MYLIP: variants seen among roughly 807,000 people sequenced by gnomAD.
The protein encoded by MYLIP is myosin regulatory light chain interacting protein.
A neutral mutation model predicts 45.8 loss-of-function variants in MYLIP; 26 were observed. The observed-to-expected ratio is 0.57, with a 90% CI of 0.42 to 0.79. MYLIP has a LOEUF of 0.79. MYLIP is among the 30% of genes least tolerant of loss of function. The probability of loss-of-function intolerance (pLI) is 0.00; values close to 1 mark genes in which losing one functional copy is unlikely to be tolerated. For synonymous variants in MYLIP, 213 were observed against 218.1 expected (o/e 0.98, Z 0.21); for missense variants, 494 against 555.6 (o/e 0.89, Z 1.11).
At chr6:16,130,149 T>A (rs534219756) in intron 1 of MYLIP, among the ~76,000 whole-genome samples, 1 of 152,200 alleles carries the variant, frequency 6.6e-6, no homozygotes, top group African/African-American at 2.4e-5. Flanking sequence ...GTTCCCTCAA[T>A]GTGTTTGATT....
downstream of MYLIP, among the ~76,000 whole-genome samples, chr6:16,148,602 C>T (rs565119605): frequency 8.4e-4 from 128 of 152,128 alleles, 2 homozygotes; most frequent in African/African-American, 2.8e-3. Flanking sequence ...AAGAAAAAAT[C>T]AGGACAAGTA....
intron 2 of MYLIP, among the ~76,000 whole-genome samples, chr6:16,137,886 TAA>T (rs11354447): frequency 1.4e-3 from 204 of 150,828 alleles, no homozygotes; most frequent in African/African-American, 4.4e-3. Context: ...TTCACTCCAT[TAA>T]AAAAAAAATC....
At chr6:16,133,768 C>T (rs1029300408) in intron 2 of MYLIP, among the ~76,000 whole-genome samples, 1 of 152,272 alleles carries the variant, frequency 6.6e-6, no homozygotes, top group East Asian at 1.9e-4. Context: ...CCGACTTAGC[C>T]ACGTTTTAGC....
At chr6:16,154,685 T>C in the MYLIP span, among the ~76,000 whole-genome samples, 1 of 152,198 alleles carries the variant, frequency 6.6e-6, no homozygotes, top group Non-Finnish European at 1.5e-5. Flanking sequence ...TGTTTTGCTT[T>C]GCTTTTAAGG....
At chr6:16,160,027 C>T in the MYLIP span, among the ~76,000 whole-genome samples, 1 of 152,208 alleles carries the variant, frequency 6.6e-6, no homozygotes, top group South Asian at 2.1e-4. Flanking sequence ...TAGGCATTGC[C>T]TGCTCACCCT....
chr6:16,158,253 C>T, the MYLIP span, among the ~76,000 whole-genome samples: 2 of 152,242 alleles, frequency 1.3e-5, no homozygotes, highest in Non-Finnish European at 2.9e-5. Context: ...GTGCAATTCA[C>T]CTCTACTGCT....
In MYLIP at chr6:16,141,723, C is replaced by T. The variant is rs779459259; in HGVS notation, c.377C>T (p.Thr126Ile). 6.2e-7 allele frequency: 1 copy of T among 1,614,166 alleles called. No homozygotes were observed. The highest frequency in any genetic ancestry group is 1.1e-5 in the South Asian group (1 of 91,086). The change falls in exon 3 of 7, where the codon ACC becomes ATC. Residue 126 changes from threonine (T) to isoleucine (I), a missense_variant. Physicochemically the swap from Thr to Ile is moderately conservative, Grantham distance 89. Coordinates refer to ENST00000356840, the MANE Select transcript of MYLIP (RefSeq NM_013262.4). Reference sequence around the variant, plus strand: ...GAACTCAGTGCCCTCCTGGCCCAGACCAAGTTTGGAGACTACAACCAGAAC... The same window carrying T: ...GAACTCAGTGCCCTCCTGGCCCAGATCAAGTTTGGAGACTACAACCAGAAC... ...AVELSALLAQ[T>I]KFGDYNQNTA...
At position 16,147,576 on chromosome 6, in the gene MYLIP, T is replaced by C. The variant is rs1759819897; in HGVS notation, c.*825T>C. The C allele has an allele frequency of 6.6e-6, 1 of 152,246 alleles. No individual in the cohort carries two copies. Among genetic ancestry groups the C allele is most frequent in the Non-Finnish European group, 1.5e-5 (1 of 68,052 alleles). The allele number at this position is 152,246 out of a possible 1,614,324, so 9.4% of individuals were successfully genotyped here. A position where few individuals can be genotyped will look rare whatever the true frequency, so the allele number is the denominator to read the frequency against. On this transcript the variant is annotated 3_prime_UTR_variant, in exon 7 of 7. Transcript: ENST00000356840. ...CTCCTTGGGAAGGGAAAGCGGAGCT[T>C]GCTGAGTGAGAGATGGAGCCTCATG...
rs35112615 is a variant in MYLIP at position 16,146,867 on chromosome 6, T to TA, written c.*130dup. 120,193 of 612,466 alleles carry TA rather than the reference T, an allele frequency of 0.2. 6,059 individuals are homozygous for TA. The highest frequency in any genetic ancestry group is 0.34 in the African/African-American group (17,450 of 51,132). 37.9% of individuals were successfully genotyped at this position (612,466 alleles called of 1,614,324 possible). Reference sequence around the variant, plus strand: ...CCAACACCCATCTGCCATGCGATGTTAAAAAAAAAAAAAAGGAAGAAAAAT... The same window carrying TA: ...CCAACACCCATCTGCCATGCGATGTTAAAAAAAAAAAAAAAGGAAGAAAAAT... On this transcript the variant is annotated 3_prime_UTR_variant, in exon 7 of 7. Coordinates refer to ENST00000356840, the MANE Select transcript of MYLIP (RefSeq NM_013262.4).
chr6:16,139,117 A>G (rs1226942347), intron 2 of MYLIP, among the ~76,000 whole-genome samples: 1 of 152,222 alleles, frequency 6.6e-6, no homozygotes, highest in African/African-American at 2.4e-5. Context: ...TTTACACCTG[A>G]AAAATAAGTT....
At chr6:16,150,043 A>T (rs908713415), downstream of MYLIP, among the ~76,000 whole-genome samples, 1 of 152,220 alleles carries the variant, frequency 6.6e-6, no homozygotes, top group Non-Finnish European at 1.5e-5. Flanking sequence ...TGGCCATTAC[A>T]TTTCACTGAT....
At position 16,147,373 on chromosome 6, in the gene MYLIP, G is replaced by C. The variant is rs1759815092; in HGVS notation, c.*622G>C. On this transcript the variant is annotated 3_prime_UTR_variant, in exon 7 of 7. Coordinates refer to ENST00000356840, the MANE Select transcript of MYLIP (RefSeq NM_013262.4). ...AAACCAGTGTGGCTAGTAAAAAGCA[G>C]CTCACTCAATGTGGGTGGCTCCCTA... 1.3e-5 allele frequency: 2 copies of C among 152,928 alleles called. No homozygotes were observed. The highest frequency in any genetic ancestry group is 4.8e-5 in the African/African-American group (2 of 41,448). 9.5% of individuals were successfully genotyped at this position (152,928 alleles called of 1,614,324 possible). A position where few individuals can be genotyped will look rare whatever the true frequency, so the allele number is the denominator to read the frequency against.
chr6:16,154,872 G>A, the MYLIP span, among the ~76,000 whole-genome samples: 4 of 152,092 alleles, frequency 2.6e-5, no homozygotes, highest in Non-Finnish European at 5.9e-5. Context: ...TAATTACCAC[G>A]CATTTTTATG....
the MYLIP span, among the ~76,000 whole-genome samples, chr6:16,159,585 T>C: frequency 6.6e-6 from 1 of 152,170 alleles, no homozygotes; most frequent in Non-Finnish European, 1.5e-5. Flanking sequence ...ACAGTGACAG[T>C]ATCTGTTCAT....
chr6:16,152,420 G>C (rs1759889516), downstream of MYLIP, among the ~76,000 whole-genome samples: 1 of 152,176 alleles, frequency 6.6e-6, no homozygotes, highest in African/African-American at 2.4e-5. Flanking sequence ...GCAATGTCTG[G>C]AGATGTTCTT....
At chr6:16,141,552 G>A (rs753535604) in intron 2 of MYLIP, 73 bp from the exon 3 acceptor site, 1 of 1,376,442 alleles carries the variant, frequency 7.3e-7, no homozygotes, top group South Asian at 1.5e-5. Context: ...AAGTGACTGT[G>A]AAATTGCTAA....
Position 16,145,026 on chromosome 6 carries a change from A to C in MYLIP, c.957A>C (p.Ser319=). 6.2e-7 allele frequency: 1 copy of C among 1,614,244 alleles called. No individual in the cohort carries two copies. ...ATGTCTTTGATATTAAAAGAACATC[A>C]AAGGAGGTGTATGACCATGCCAGGA... ...KKYVFDIKRT[S]KEVYDHARRA... Residue 319 remains serine (S), a synonymous_variant, in exon 6 of 7, where the codon TCA becomes TCC. Transcript: ENST00000356840.
In MYLIP at chr6:16,143,740, A is replaced by G. The variant is rs1453076034; in HGVS notation, c.704A>G (p.Lys235Arg). 1.2e-6 allele frequency: 2 copies of G among 1,614,136 alleles called. No homozygotes were observed. The highest frequency in any genetic ancestry group is 3.3e-5 in the Admixed American group (2 of 60,022). ...GTGCAGATGGCCACCCAGTCAGGAA[A>G]GAATGTATATTTGACGGTCACCAAG... Reference protein sequence around the residue: ...PVVQMATQSGKNVYLTVTKES... With the variant: ...PVVQMATQSGRNVYLTVTKES... Residue 235 changes from lysine to arginine, a missense_variant, in exon 5 of 7, where the codon AAG (lysine) becomes AGG (arginine). Lys to Arg is a conservative substitution (Grantham distance 26). Transcript: ENST00000356840.
At position 16,135,470 on chromosome 6, in the gene MYLIP, G is replaced by A. The variant is rs115277586; in HGVS notation, c.278+4723G>A. Among the ~76,000 whole-genome samples the A allele has an allele frequency of 4.0e-3, 604 of 152,110 alleles. 6 individuals are homozygous for A. Among genetic ancestry groups the A allele is most frequent in the African/African-American group, 0.014 (562 of 41,488 alleles). Reference sequence around the variant, plus strand: ...CACTTTCATCAGTGATTCTCATTTTGTACTTTGGGCTTTGAAAAGGATCTC... The same window carrying A: ...CACTTTCATCAGTGATTCTCATTTTATACTTTGGGCTTTGAAAAGGATCTC... On this transcript the variant is annotated intron_variant, in intron 2 of 6. Coordinates refer to ENST00000356840, the MANE Select transcript of MYLIP (RefSeq NM_013262.4).
Sources: allele counts gnomAD v4.1 joint callset (sites outside exome capture counted in the v4.1 genomes callset), GRCh38; gene constraint gnomAD v4.1.1; transcripts MANE v1.5; gene names NCBI Gene and HGNC (gene_info 2026-07-23, HGNC 2026-07-21).